The following HNF4G variants were observed in gnomAD, a reference collection of about 807,000 sequenced individuals.
HNF4G encodes the protein hepatocyte nuclear factor 4 gamma.
In HNF4G, 21 loss-of-function variants were observed where a neutral mutation model predicts 50.9. That is an observed-to-expected ratio of 0.41 (90% CI 0.29 to 0.59). The LOEUF (loss-of-function observed/expected upper bound fraction) is 0.59, where lower values mean the gene tolerates loss of function less well. Among genes scored for constraint, HNF4G ranks in the 20% least tolerant of loss-of-function variants. The pLI, the probability that HNF4G is intolerant of heterozygous loss-of-function variation, is 0.26. For synonymous variants in HNF4G, 198 were observed against 185.6 expected (o/e 1.07, Z -0.54); for missense variants, 527 against 559.4 (o/e 0.94, Z 0.58).
At chr8:75,533,956 C>T (rs1445096306) in intron 2 of HNF4G, among the ~76,000 whole-genome samples, 1 of 151,736 alleles carries the variant, frequency 6.6e-6, no homozygotes, top group Non-Finnish European at 1.5e-5. Context: ...AGTGTATGTT[C>T]ATTATAGTAC....
At chr8:75,546,069 G>A (rs1806769390) in intron 2 of HNF4G, among the ~76,000 whole-genome samples, 1 of 151,972 alleles carries the variant, frequency 6.6e-6, no homozygotes, top group Non-Finnish European at 1.5e-5. Context: ...TTTAGAAGAA[G>A]TACATTTTAT....
In HNF4G at chr8:75,543,671, A is replaced by G. The variant is rs528214805; in HGVS notation, c.119-140A>G. 3.0e-5 allele frequency: 18 copies of G among 607,956 alleles called. No homozygotes were observed. In the South Asian group the frequency reaches 4.4e-4, roughly 15 times the overall value. 37.7% of individuals were successfully genotyped at this position (607,956 alleles called of 1,614,324 possible). A position where few individuals can be genotyped will look rare whatever the true frequency, so the allele number is the denominator to read the frequency against. On this transcript the variant is annotated intron_variant, in intron 1 of 9. Transcript: ENST00000396423. ...GAGCTTAGAACGGAAGCAGCCAGCC[A>G]GGGGTTAAAAGGAAAGCACCAGTGT...
At chr8:75,500,336 C>CA (rs1270716265) in intron 2 of HNF4G, among the ~76,000 whole-genome samples, 1 of 152,068 alleles carries the variant, frequency 6.6e-6, no homozygotes, top group Non-Finnish European at 1.5e-5. Context: ...TTACATCCCC[C>CA]ACAATGGCTA....
chr8:75,515,295 A>G (rs947470482), intron 2 of HNF4G, among the ~76,000 whole-genome samples: 2 of 152,160 alleles, frequency 1.3e-5, no homozygotes, highest in African/African-American at 4.8e-5. Context: ...TCAGTTTTTC[A>G]GTAATCTGAG....
At chr8:75,502,790 G>A (rs1379851596) in intron 2 of HNF4G, among the ~76,000 whole-genome samples, 1 of 152,100 alleles carries the variant, frequency 6.6e-6, no homozygotes, top group Non-Finnish European at 1.5e-5. Flanking sequence ...TCTTCCTTTA[G>A]AAAGACACCC....
At chr8:75,411,828 C>A (rs1810511739) in intron 1 of HNF4G, among the ~76,000 whole-genome samples, 1 of 152,096 alleles carries the variant, frequency 6.6e-6, no homozygotes, top group Non-Finnish European at 1.5e-5. Context: ...TCTTTGAGGT[C>A]CAATTTCCTC....
intron 1 of HNF4G, among the ~76,000 whole-genome samples, chr8:75,428,827 G>A (rs1029100700): frequency 8.5e-5 from 13 of 152,170 alleles, no homozygotes; most frequent in African/African-American, 2.7e-4. Context: ...AAGCTACTGA[G>A]ATATTTTAAG....
chr8:75,410,245 G>C (rs893852995), intron 1 of HNF4G, among the ~76,000 whole-genome samples: 5 of 152,146 alleles, frequency 3.3e-5, no homozygotes, highest in Non-Finnish European at 4.4e-5. Flanking sequence ...GCACCAGGGA[G>C]ATGTTTGATA....
intron 1 of HNF4G, among the ~76,000 whole-genome samples, chr8:75,460,049 A>C (rs916990891): frequency 8.7e-5 from 13 of 150,238 alleles, no homozygotes; most frequent in African/African-American, 3.2e-4. Context: ...CTGTATAAAG[A>C]AAGCTTAAAT....
Position 75,553,068 on chromosome 8 carries a change from C to T in HNF4G, c.516C>T (p.Ser172=), listed in dbSNP as rs1204397327. The T allele has an allele frequency of 2.5e-6, 4 of 1,611,346 alleles. No individual in the cohort carries two copies. Among genetic ancestry groups the T allele is most frequent in the Non-Finnish European group, 3.4e-6 (4 of 1,178,228 alleles). Residue 172 remains serine (S), a synonymous_variant, in exon 5 of 10, where the codon AGC becomes AGT. Transcript: ENST00000396423. ...TCTCAGTCTCAAGCCCTGGGTCAAG[C>T]ACTGACATAAACGTTAAGAAAATTG... is the stretch of plus-strand genomic sequence containing the variant. ...RQISVSSPGS[S]TDINVKKIAS...
At chr8:75,520,440 T>A (rs10100518) in intron 2 of HNF4G, among the ~76,000 whole-genome samples, 1,711 of 152,164 alleles carry the variant, frequency 0.011, 16 homozygotes, top group African/African-American at 0.022. Flanking sequence ...TGTTTTTTTT[T>A]AAATTTTTGT....
chr8:75,444,433 A>G (rs1811370893), intron 1 of HNF4G, among the ~76,000 whole-genome samples: 1 of 146,508 alleles, frequency 6.8e-6, no homozygotes, highest in Non-Finnish European at 1.5e-5. Context: ...TAACAATATT[A>G]ACTTTAAATG....
intron 2 of HNF4G, among the ~76,000 whole-genome samples, chr8:75,515,735 G>A (rs749829870): frequency 2.0e-5 from 3 of 150,442 alleles, no homozygotes; most frequent in Non-Finnish European, 4.4e-5. Flanking sequence ...TCAAAGGATT[G>A]GATAATGACC....
At chr8:75,509,505 G>A (rs1199569872) in intron 2 of HNF4G, among the ~76,000 whole-genome samples, 1 of 152,158 alleles carries the variant, frequency 6.6e-6, no homozygotes, top group Non-Finnish European at 1.5e-5. Context: ...AATAAGCATT[G>A]TCATGATTCA....
intron 1 of HNF4G, among the ~76,000 whole-genome samples, chr8:75,477,689 C>T (rs980168203): frequency 1.3e-5 from 2 of 151,948 alleles, no homozygotes; most frequent in South Asian, 4.2e-4. Flanking sequence ...AGTTCTCTGC[C>T]GGGCGTGGTG....
intron 6 of HNF4G, among the ~76,000 whole-genome samples, chr8:75,557,647 T>C (rs748452023): frequency 5.9e-5 from 9 of 151,726 alleles, no homozygotes; most frequent in African/African-American, 9.7e-5. Context: ...AAAAATCACA[T>C]TGTACACCTT....
At chr8:75,538,119 T>C (rs1806518668), upstream of HNF4G, among the ~76,000 whole-genome samples, 1 of 152,194 alleles carries the variant, frequency 6.6e-6, no homozygotes, top group African/African-American at 2.4e-5. Flanking sequence ...AAATCTACCA[T>C]ATCTTCTGGA....
chr8:75,559,090 AG>A lies in HNF4G; in HGVS notation c.1123+54del. ...ATTGATTAGAATCACACTAAATATA[AG>A]TTTGACCTACTGATTTTTTTGTCCA... is the stretch of plus-strand genomic sequence containing the variant. On this transcript the variant is annotated intron_variant, in intron 8 of 9. Coordinates refer to ENST00000396423, the MANE Select transcript of HNF4G (RefSeq NM_004133.5). 2.4e-5 allele frequency: 27 copies of A among 1,144,824 alleles called. No homozygotes were observed. In the South Asian group the frequency reaches 3.2e-4, roughly 14 times the overall value. 70.9% of individuals were successfully genotyped at this position (1,144,824 alleles called of 1,614,324 possible).
intron 1 of HNF4G, among the ~76,000 whole-genome samples, chr8:75,413,456 A>G (rs1193942502): frequency 6.6e-6 from 1 of 152,022 alleles, no homozygotes; most frequent in East Asian, 1.9e-4. Context: ...TCAATTATAG[A>G]ATATGTAAGA....
Sources: allele counts gnomAD v4.1 joint callset (sites outside exome capture counted in the v4.1 genomes callset), GRCh38; gene constraint gnomAD v4.1.1; transcripts MANE v1.5; gene names NCBI Gene and HGNC (gene_info 2026-07-23, HGNC 2026-07-21).